Variants in VWA8 observed in about 807,000 individuals in gnomAD.
The protein encoded by VWA8 is von Willebrand factor A domain-containing protein 8.
Under a neutral mutation model 241.5 loss-of-function variants are expected in VWA8, and 221 were observed. The observed-to-expected ratio is 0.91, with a 90% CI of 0.82 to 1.02. VWA8 has a LOEUF of 1.02. VWA8 is among the 50% of genes least tolerant of loss of function. VWA8 has a pLI of 0.00. For synonymous variants in VWA8, 852 were observed against 827.1 expected, an observed-to-expected ratio of 1.03 and a Z score of -0.52; for missense variants, 2,322 against 2,328.7, an observed-to-expected ratio of 1.00 and a Z score of 0.06.
intron 37 of VWA8, among the ~76,000 whole-genome samples, chr13:41,666,291 T>G (rs139710797): frequency 2.5e-3 from 384 of 152,230 alleles, no homozygotes; most frequent in Middle Eastern, 6.8e-3. Flanking sequence ...GGCCAATTGG[T>G]TACTGGGATA....
chr13:41,845,302 A>G (rs1293793121), intron 12 of VWA8, among the ~76,000 whole-genome samples: 2 of 152,170 alleles, frequency 1.3e-5, no homozygotes, highest in Admixed American at 6.6e-5. Context: ...AATGGCTATT[A>G]TGAAAAAGTC....
chr13:41,738,907 C>G (rs747490848), intron 21 of VWA8, among the ~76,000 whole-genome samples: 1 of 152,130 alleles, frequency 6.6e-6, no homozygotes, highest in Non-Finnish European at 1.5e-5. Context: ...CTGATGAACA[C>G]TGTATCCACT....
chr13:41,738,619 T>A (rs1352936743), intron 21 of VWA8, among the ~76,000 whole-genome samples: 1 of 152,156 alleles, frequency 6.6e-6, no homozygotes, highest in Non-Finnish European at 1.5e-5. Flanking sequence ...TCTACTAAAA[T>A]AGTATATAGA....
At chr13:41,842,062 A>T (rs1460081896) in intron 12 of VWA8, among the ~76,000 whole-genome samples, 1 of 151,730 alleles carries the variant, frequency 6.6e-6, no homozygotes, top group Non-Finnish European at 1.5e-5. Flanking sequence ...TTATGTGAAT[A>T]AAAGAATATA....
intron 1 of VWA8, among the ~76,000 whole-genome samples, chr13:41,959,493 C>CAAA (rs59960898): frequency 0.019 from 1,414 of 76,392 alleles, 19 homozygotes; most frequent in East Asian, 0.054. Flanking sequence ...TGAGAAAAAG[C>CAAA]AAAAAAAAAA....
At chr13:41,827,851 T>C (rs1020186742) in intron 14 of VWA8, among the ~76,000 whole-genome samples, 3 of 152,198 alleles carry the variant, frequency 2.0e-5, no homozygotes, top group Non-Finnish European at 2.9e-5. Context: ...GTACTTTTCA[T>C]AGAAAAGGGT....
At chr13:41,605,079 T>C in intron 40 of VWA8, 89 bp downstream of exon 40, 4 of 1,300,676 alleles carry the variant, frequency 3.1e-6, no homozygotes, top group African/African-American at 1.5e-5. Context: ...GACTGGCTAA[T>C]TAGGGTTCAG....
At chr13:41,636,120 T>C (rs910349678) in intron 37 of VWA8, among the ~76,000 whole-genome samples, 1 of 152,118 alleles carries the variant, frequency 6.6e-6, no homozygotes, top group African/African-American at 2.4e-5. Context: ...GCTAAATGTA[T>C]TCTTCCTTAT....
chr13:41,620,236 G>C (rs1194649387), intron 37 of VWA8, among the ~76,000 whole-genome samples: 4 of 152,234 alleles, frequency 2.6e-5, no homozygotes, highest in African/African-American at 4.8e-5. Flanking sequence ...ATTTCTTTTA[G>C]ATTTTCTAGT....
intron 40 of VWA8, among the ~76,000 whole-genome samples, chr13:41,601,690 A>T (rs1276401148): frequency 1.3e-5 from 2 of 152,140 alleles, no homozygotes; most frequent in Non-Finnish European, 2.9e-5. Context: ...CAATCGATTC[A>T]CAAAAGGGAA....
chr13:41,583,884 T>C (rs976071560), intron 42 of VWA8, among the ~76,000 whole-genome samples: 3 of 152,098 alleles, frequency 2.0e-5, no homozygotes, highest in African/African-American at 7.2e-5. Flanking sequence ...TGAATTTGAG[T>C]TGGATATTAT....
chr13:41,594,325 T>G (rs1475689209), intron 40 of VWA8, among the ~76,000 whole-genome samples: 1 of 151,856 alleles, frequency 6.6e-6, no homozygotes, highest in Non-Finnish European at 1.5e-5. Context: ...GTTGGGGATC[T>G]TGCTATATTG....
At chr13:41,947,208 C>T (rs990136539) in intron 2 of VWA8, among the ~76,000 whole-genome samples, 12 of 152,184 alleles carry the variant, frequency 7.9e-5, no homozygotes, top group African/African-American at 2.4e-4. Context: ...CTTCCTTACC[C>T]GGCTTTAACA....
chr13:41,816,915 A>T, intron 15 of VWA8, 140 bp from the exon 16 acceptor site: 1 of 675,682 alleles, frequency 1.5e-6, no homozygotes, highest in Admixed American at 2.9e-5. Flanking sequence ...TAAATGTTTA[A>T]CTTATGGATA....
chr13:41,768,481 A>C (rs1286504895), intron 20 of VWA8, among the ~76,000 whole-genome samples: 1 of 152,226 alleles, frequency 6.6e-6, no homozygotes, highest in Non-Finnish European at 1.5e-5. Context: ...AATGAGATAC[A>C]AAGAATTAGT....
At chr13:41,870,463 A>G (rs1192660411) in intron 9 of VWA8, among the ~76,000 whole-genome samples, 1 of 152,026 alleles carries the variant, frequency 6.6e-6, no homozygotes, top group African/African-American at 2.4e-5. Context: ...ACATGGTGAA[A>G]CCCCGTCTCT....
chr13:41,696,039 T>C (rs2045213800), intron 29 of VWA8: 1 of 152,230 alleles, frequency 6.6e-6, no homozygotes, highest in South Asian at 2.1e-4. Context: ...ACTGATTTAC[T>C]AAATTACAAA....
intron 29 of VWA8, among the ~76,000 whole-genome samples, chr13:41,695,851 T>A (rs768773917): frequency 2.6e-5 from 4 of 152,150 alleles, no homozygotes; most frequent in African/African-American, 7.2e-5. Context: ...AAGGTATTAA[T>A]CAGCAATGTT....
At chr13:41,710,895 T>C (rs965686147) in intron 26 of VWA8, among the ~76,000 whole-genome samples, 9 of 152,238 alleles carry the variant, frequency 5.9e-5, no homozygotes, top group African/African-American at 1.9e-4. Context: ...GAAGACTCCA[T>C]AGTTGTTCTT....
Sources: allele counts gnomAD v4.1 joint callset (sites outside exome capture counted in the v4.1 genomes callset), GRCh38; gene constraint gnomAD v4.1.1; transcripts MANE v1.5; gene names NCBI Gene and HGNC (gene_info 2026-07-23, HGNC 2026-07-21).